The following MCF2L2 variants were observed in gnomAD, a reference collection of about 807,000 sequenced individuals.
MCF2L2 encodes the protein probable guanine nucleotide exchange factor MCF2L2.
Under a neutral mutation model 150.2 loss-of-function variants are expected in MCF2L2, and 102 were observed. The ratio of observed to expected loss-of-function variants is 0.68; its 90% CI spans 0.58 to 0.80. MCF2L2 has a LOEUF of 0.80. Among genes scored for constraint, MCF2L2 ranks in the 30% least tolerant of loss-of-function variants. MCF2L2 has a pLI of 0.00. For synonymous variants in MCF2L2, 465 were observed against 491.3 expected (o/e 0.95, Z 0.71); for missense variants, 1,256 against 1,372.8 (o/e 0.91, Z 1.34).
intron 1 of MCF2L2, among the ~76,000 whole-genome samples, chr3:183,394,548 G>A (rs1049971080): frequency 6.6e-6 from 1 of 152,204 alleles, no homozygotes; most frequent in African/African-American, 2.4e-5. Context: ...TTATTGGCCA[G>A]GTCAGAAATA....
At chr3:183,295,173 C>G (rs1728422728) in intron 13 of MCF2L2, 127 bp downstream of exon 13, 3 of 928,838 alleles carry the variant, frequency 3.2e-6, no homozygotes, top group Non-Finnish European at 4.9e-6. Context: ...TATGCTATAT[C>G]TGTAGTTTGT....
intron 23 of MCF2L2, among the ~76,000 whole-genome samples, chr3:183,207,221 A>G (rs1722526665): frequency 6.6e-6 from 1 of 152,182 alleles, no homozygotes; most frequent in Non-Finnish European, 1.5e-5. Context: ...AGGTCAGGAC[A>G]ATGCCTGCAC....
intron 7 of MCF2L2, among the ~76,000 whole-genome samples, chr3:183,314,361 A>AC (rs1553779470): frequency 1.3e-5 from 2 of 152,038 alleles, no homozygotes; most frequent in African/African-American, 4.8e-5. Flanking sequence ...ATGTTTAGAG[A>AC]TTTTTTTCTG....
Position 183,292,846 on chromosome 3 carries a change from T to C in MCF2L2, c.1675+2454A>G, listed in dbSNP as rs574345752. Among the ~76,000 whole-genome samples the C allele has an allele frequency of 2.7e-3, 410 of 152,018 alleles. 1 individual carries two copies. Among genetic ancestry groups the C allele is most frequent in the African/African-American group, 9.4e-3 (391 of 41,422 alleles). ...ATGCATATGGTAATCCCCAGTCTGGTGAAAAACAGTACAAAGAGATATGAT... is the reference window on the plus strand; with the variant it reads ...ATGCATATGGTAATCCCCAGTCTGGCGAAAAACAGTACAAAGAGATATGAT... On this transcript the variant is annotated intron_variant, in intron 13 of 29. Coordinates refer to ENST00000328913, the MANE Select transcript of MCF2L2 (RefSeq NM_015078.4).
intron 1 of MCF2L2, among the ~76,000 whole-genome samples, chr3:183,409,551 C>CTTTTTT (rs11336262): frequency 3.3e-5 from 4 of 121,746 alleles, no homozygotes; most frequent in African/African-American, 6.4e-5. Context: ...GCTAAAATTT[C>CTTTTTT]TTTTTTTTTT....
Position 183,428,211 on chromosome 3 carries a change from C to A in MCF2L2, c.-234G>T. 2.0e-6 allele frequency: 1 copy of A among 511,652 alleles called. No individual in the cohort carries two copies. Among genetic ancestry groups the A allele is most frequent in the South Asian group, 2.5e-5 (1 of 39,426 alleles). The allele number at this position is 511,652 out of a possible 1,614,324, so 31.7% of individuals were successfully genotyped here. Reference sequence around the variant, plus strand: ...GCGCTTTCCCAGCGTCGCAGCTGGACCGAGAGAGGAGCGGCCGTTCTGCAA... The same window carrying A: ...GCGCTTTCCCAGCGTCGCAGCTGGAACGAGAGAGGAGCGGCCGTTCTGCAA... On this transcript the variant is annotated 5_prime_UTR_variant, in exon 1 of 30. Coordinates refer to ENST00000328913, the MANE Select transcript of MCF2L2 (RefSeq NM_015078.4). This position sits in a 1 kb window ranked among gnomAD's most constrained non-coding sequence, Gnocchi z 5.1.
chr3:183,417,473 G>A (rs1470180657), intron 1 of MCF2L2, among the ~76,000 whole-genome samples: 1 of 149,140 alleles, frequency 6.7e-6, no homozygotes, highest in African/African-American at 2.5e-5. Flanking sequence ...TCAGTTAAAA[G>A]AATGAAGAAA....
chr3:183,222,321 G>A (rs954847789), intron 20 of MCF2L2, among the ~76,000 whole-genome samples: 9 of 152,184 alleles, frequency 5.9e-5, no homozygotes, highest in African/African-American at 2.2e-4. Flanking sequence ...GGAGGCTGAG[G>A]TGGGCAGATC....
chr3:183,389,234 A>T (rs1714008423), intron 2 of MCF2L2, among the ~76,000 whole-genome samples: 1 of 152,222 alleles, frequency 6.6e-6, no homozygotes, highest in Non-Finnish European at 1.5e-5. Flanking sequence ...ATTCCCAATC[A>T]AATGCTTGAT....
chr3:183,254,571 A>T (rs1724857525), intron 15 of MCF2L2: 1 of 151,996 alleles, frequency 6.6e-6, no homozygotes. Context: ...CCCGTCCCTG[A>T]GGAGCTCCGG....
Position 183,295,364 on chromosome 3 carries a change from C to T in MCF2L2, c.1611G>A (p.Val537=), listed in dbSNP as rs1232379585. 9.3e-6 allele frequency: 15 copies of T among 1,613,604 alleles called. No homozygotes were observed. Among genetic ancestry groups the T allele is most frequent in the African/African-American group, 1.3e-5 (1 of 74,900 alleles). ...TTGGTGAAGACTCAGGATGTGGGGC[C>T]ACAGGTTGCACTGGACGAGTCTGTT... ...AAKQTRPVQP[V]APHPESSPKW... Residue 537 remains valine, a synonymous_variant, in exon 13 of 30, where the codon GTG becomes GTA. Transcript: ENST00000328913.
Position 183,227,710 on chromosome 3 carries a change from A to G in MCF2L2, c.2115+587T>C, listed in dbSNP as rs933607476. On this transcript the variant is annotated intron_variant, in intron 18 of 29. Coordinates refer to ENST00000328913, the MANE Select transcript of MCF2L2 (RefSeq NM_015078.4). This position sits in a 1 kb window ranked among gnomAD's most constrained non-coding sequence, Gnocchi z 4.0. The stretch of plus-strand genomic sequence containing the variant: ...AAGCCAGGCTTGCGGTTACTCCCAC[A>G]TATCAGTGTGAGCTCAGTCAAATTG... 2 of 152,406 alleles carry G rather than the reference A, an allele frequency of 1.3e-5. No homozygotes were observed. Among genetic ancestry groups the G allele is most frequent in the African/African-American group, 2.4e-5 (1 of 41,442 alleles). 9.4% of individuals were successfully genotyped at this position (152,406 alleles called of 1,614,324 possible).
chr3:183,180,448 A>G (rs1001080165), intron 27 of MCF2L2: 5 of 389,462 alleles, frequency 1.3e-5, no homozygotes, highest in African/African-American at 1.0e-4. Flanking sequence ...TGTGTTTGCC[A>G]GTCTTCTAAC....
intron 3 of MCF2L2, among the ~76,000 whole-genome samples, chr3:183,352,856 TTA>T (rs1711557395): frequency 6.6e-6 from 1 of 152,250 alleles, no homozygotes; most frequent in Non-Finnish European, 1.5e-5. Context: ...TGTATTATCA[TTA>T]TGTTTTAAAA....
At chr3:183,198,975 T>A (rs1722165812) in intron 25 of MCF2L2, among the ~76,000 whole-genome samples, 1 of 152,174 alleles carries the variant, frequency 6.6e-6, no homozygotes, top group African/African-American at 2.4e-5. Flanking sequence ...AAACCATAGT[T>A]TTTTTCCCAT....
intron 1 of MCF2L2, among the ~76,000 whole-genome samples, chr3:183,410,766 T>C (rs1183489264): frequency 3.3e-5 from 5 of 152,238 alleles, no homozygotes; most frequent in Admixed American, 3.3e-4. Flanking sequence ...AGACTTGTTT[T>C]AGGGTGACTG....
chr3:183,273,859 A>G (rs1726993131), intron 15 of MCF2L2, among the ~76,000 whole-genome samples: 1 of 152,178 alleles, frequency 6.6e-6, no homozygotes, highest in Admixed American at 6.5e-5. Context: ...CTAGTAGGCT[A>G]TTCCATCTAG....
intron 1 of MCF2L2, among the ~76,000 whole-genome samples, chr3:183,417,446 C>T (rs77914796): frequency 0.014 from 2,185 of 152,074 alleles, 55 homozygotes; most frequent in African/African-American, 0.05. Context: ...TTTTGTTTAA[C>T]ATAATTGCTT....
chr3:183,401,576 G>A (rs1450513579), intron 1 of MCF2L2, among the ~76,000 whole-genome samples: 4 of 152,158 alleles, frequency 2.6e-5, no homozygotes, highest in Non-Finnish European at 5.9e-5. Context: ...AACCCCAGAA[G>A]ATACCTTCAA....
Sources: allele counts gnomAD v4.1 joint callset (sites outside exome capture counted in the v4.1 genomes callset), GRCh38; gene constraint gnomAD v4.1.1; non-coding constraint Gnocchi (gnomAD v3.1); transcripts MANE v1.5; gene names NCBI Gene and HGNC (gene_info 2026-07-23, HGNC 2026-07-21).